The following MTHFD2L variants were observed in gnomAD, a reference collection of about 807,000 sequenced individuals.
MTHFD2L encodes bifunctional methylenetetrahydrofolate dehydrogenase/cyclohydrolase 2, mitochondrial.
Under a neutral mutation model 34.9 loss-of-function variants are expected in MTHFD2L, and 29 were observed. The observed-to-expected ratio is 0.83, with a 90% CI of 0.62 to 1.13. MTHFD2L has a LOEUF of 1.13. Among genes scored for constraint, MTHFD2L ranks in the 50% most tolerant of loss-of-function variants. MTHFD2L has a pLI of 0.00. For synonymous variants in MTHFD2L, 167 were observed against 155.7 expected (o/e 1.07, Z -0.54); for missense variants, 481 against 446.5 (o/e 1.08, Z -0.70).
chr4:74,199,371 C>T (rs1026537462), intron 3 of MTHFD2L, among the ~76,000 whole-genome samples: 1 of 152,098 alleles, frequency 6.6e-6, no homozygotes, highest in South Asian at 2.1e-4. Context: ...CACTAACAAA[C>T]CCCTTTTAAT....
intron 5 of MTHFD2L, among the ~76,000 whole-genome samples, chr4:74,219,853 A>G (rs1261404556): frequency 6.6e-6 from 1 of 152,124 alleles, no homozygotes; most frequent in Non-Finnish European, 1.5e-5. Context: ...GACATCAACA[A>G]CCAAACTGAC....
At chr4:74,281,137 A>G (rs1747411770) in intron 6 of MTHFD2L, among the ~76,000 whole-genome samples, 1 of 152,030 alleles carries the variant, frequency 6.6e-6, no homozygotes, top group African/African-American at 2.4e-5. Flanking sequence ...AGTATGTGAC[A>G]TACAAAAGGA....
chr4:74,265,319 G>A (rs774509168), intron 6 of MTHFD2L, among the ~76,000 whole-genome samples: 58 of 152,254 alleles, frequency 3.8e-4, no homozygotes, highest in Admixed American at 1.3e-3. Context: ...TGCTCCACAC[G>A]TGTCTCATCC....
Position 74,201,371 on chromosome 4 carries a change from G to T in MTHFD2L, c.712+1G>T. ...GATGGAGAGCATGAACGGCCAGGAG[G>T]TAGGTAGAACCTTGCAGATTCTACA... On this transcript the variant is annotated splice_donor_variant, in intron 5 of 7. Coordinates refer to ENST00000325278, the MANE Select transcript of MTHFD2L (RefSeq NM_001144978.3). LOFTEE classifies it high-confidence loss of function. 1 of 1,610,016 alleles carries T rather than the reference G, an allele frequency of 6.2e-7. No individual in the cohort carries two copies. Among genetic ancestry groups the T allele is most frequent in the Non-Finnish European group, 8.5e-7 (1 of 1,176,926 alleles).
At chr4:74,205,363 G>T (rs1167699215) in intron 5 of MTHFD2L, among the ~76,000 whole-genome samples, 3 of 152,152 alleles carry the variant, frequency 2.0e-5, no homozygotes, top group Middle Eastern at 3.2e-3. Flanking sequence ...TATAGAACTT[G>T]TTCTAATGAC....
At chr4:74,128,766 A>G (rs1264717582) in intron 1 of MTHFD2L, among the ~76,000 whole-genome samples, 1 of 152,058 alleles carries the variant, frequency 6.6e-6, no homozygotes, top group Non-Finnish European at 1.5e-5. Flanking sequence ...GAAAGTCAGA[A>G]TTTTGACAGG....
At chr4:74,139,676 T>C (rs1723161817) in intron 1 of MTHFD2L, among the ~76,000 whole-genome samples, 1 of 152,092 alleles carries the variant, frequency 6.6e-6, no homozygotes. Context: ...CACTTCTTTG[T>C]GGACCTGGGA....
chr4:74,243,696 C>G, intron 6 of MTHFD2L, among the ~76,000 whole-genome samples: 1 of 151,790 alleles, frequency 6.6e-6, no homozygotes, highest in South Asian at 2.1e-4. Context: ...TTGTTTGGTC[C>G]TTACATCACA....
intron 6 of MTHFD2L, among the ~76,000 whole-genome samples, chr4:74,240,854 G>T (rs1180718260): frequency 6.6e-6 from 1 of 152,160 alleles, no homozygotes; most frequent in Admixed American, 6.5e-5. Flanking sequence ...TGGAAACAAT[G>T]TATTAAACTG....
chr4:74,292,982 T>A (rs1268967577), intron 7 of MTHFD2L, among the ~76,000 whole-genome samples: 1 of 152,054 alleles, frequency 6.6e-6, no homozygotes, highest in Non-Finnish European at 1.5e-5. Context: ...CTAAGTGGTA[T>A]GAGTGGTATT....
rs749157503 is a variant in MTHFD2L, at chr4:74,225,362, C to G, written c.773C>G (p.Thr258Arg). 1 of 1,613,072 alleles carries G rather than the reference C, an allele frequency of 6.2e-7. No homozygotes were observed. The highest frequency in any genetic ancestry group is 2.2e-5 in the East Asian group (1 of 44,840). The part of the protein sequence containing the change: ...YTPKEQLKIH[T>R]QLADIIIVAA... ...CCCAAAGAGCAACTGAAGATTCATA[C>G]GCAGCTGGCAGATATTATCATAGTT... The change falls in exon 6 of 8, where the codon ACG becomes AGG. Residue 258 changes from threonine (T) to arginine (R), a missense_variant. By Grantham distance (71) the Thr-to-Arg change is moderately conservative (BLOSUM62 -1). Coordinates refer to ENST00000325278, the MANE Select transcript of MTHFD2L (RefSeq NM_001144978.3).
chr4:74,149,146 G>A (rs1723780451), intron 1 of MTHFD2L, among the ~76,000 whole-genome samples: 1 of 151,804 alleles, frequency 6.6e-6, no homozygotes, highest in Non-Finnish European at 1.5e-5. Flanking sequence ...TCTCAATTCT[G>A]ATAGTGCCAC....
intron 3 of MTHFD2L, among the ~76,000 whole-genome samples, chr4:74,193,799 T>C (rs542346537): frequency 7.2e-5 from 11 of 152,338 alleles, no homozygotes; most frequent in South Asian, 6.2e-4. Context: ...TTATTAGTTC[T>C]ATTAATTGTT....
At chr4:74,188,005 C>T (rs1258150004) in intron 3 of MTHFD2L, among the ~76,000 whole-genome samples, 3 of 152,130 alleles carry the variant, frequency 2.0e-5, no homozygotes, top group South Asian at 2.1e-4. Context: ...TGTGATATTC[C>T]ATACAATAGA....
In MTHFD2L at chr4:74,174,606, C is replaced by G. The variant is rs758161591; in HGVS notation, c.244C>G (p.Pro82Ala). ...ATGGGTTTCCCTTGGAAACAGAAGACCTCACCTCAGTATAATTTTAGTGGG... is the reference window on the plus strand; with the variant it reads ...ATGGGTTTCCCTTGGAAACAGAAGAGCTCACCTCAGTATAATTTTAGTGGG... ...ESWVSLGNRRPHLSIILVGDN... is the reference protein window; with the variant it reads ...ESWVSLGNRRAHLSIILVGDN... Residue 82 changes from proline to alanine, a missense_variant, in exon 2 of 8, where the codon CCT becomes GCT. Coordinates refer to ENST00000325278, the MANE Select transcript of MTHFD2L (RefSeq NM_001144978.3). The G allele has an allele frequency of 1.2e-6, 2 of 1,606,650 alleles. No individual in the cohort carries two copies. The highest frequency in any genetic ancestry group is 1.7e-5 in the Admixed American group (1 of 58,760).
chr4:74,176,419 C>A (rs1219334263), intron 3 of MTHFD2L, among the ~76,000 whole-genome samples: 1 of 152,026 alleles, frequency 6.6e-6, no homozygotes, highest in Non-Finnish European at 1.5e-5. Context: ...AGTTTCCATC[C>A]CAGCATTATC....
chr4:74,114,875 T>C (rs986724729), intron 2 of MTHFD2L, among the ~76,000 whole-genome samples: 1 of 152,168 alleles, frequency 6.6e-6, no homozygotes, highest in African/African-American at 2.4e-5. Context: ...ATTAATTCAT[T>C]TGATTCTCAC....
chr4:74,288,802 C>T (rs545871360), intron 7 of MTHFD2L, among the ~76,000 whole-genome samples: 2 of 152,268 alleles, frequency 1.3e-5, no homozygotes, highest in East Asian at 3.9e-4. Flanking sequence ...TACAACCTCA[C>T]CTAAATGTCT....
At chr4:74,133,879 C>T (rs1042369936) in intron 1 of MTHFD2L, among the ~76,000 whole-genome samples, 2 of 152,066 alleles carry the variant, frequency 1.3e-5, no homozygotes, top group African/African-American at 4.8e-5. Context: ...TACACAGCAG[C>T]AAGATCTTCA....
Sources: gnomAD v4.1 joint callset for allele counts (sites outside exome capture counted in the v4.1 genomes callset) on GRCh38, gnomAD v4.1.1 for gene constraint, MANE v1.5 for transcripts, NCBI Gene and HGNC (gene_info 2026-07-23, HGNC 2026-07-21) for gene names.